Variants in ACBD6 observed in about 807,000 individuals in gnomAD.
The protein encoded by ACBD6 is acyl-CoA binding domain containing 6, also known as acyl-CoA-binding domain-containing protein 6.
ACBD6 carries 28 observed loss-of-function variants against 37.2 expected under a neutral mutation model. The observed-to-expected ratio is 0.75, with a 90% CI of 0.56 to 1.03. The LOEUF (loss-of-function observed/expected upper bound fraction) is 1.03. ACBD6 is among the 50% of genes least tolerant of loss of function. The pLI is 0.00. For synonymous variants in ACBD6, 113 were observed against 126.8 expected (o/e 0.89, Z 0.73); for missense variants, 340 against 337.4 (o/e 1.01, Z -0.06).
intron 5 of ACBD6, among the ~76,000 whole-genome samples, chr1:180,401,463 C>T (rs897367840): frequency 6.6e-6 from 1 of 151,712 alleles, no homozygotes; most frequent in Non-Finnish European, 1.5e-5. Flanking sequence ...AGACTTTTCT[C>T]CTCAATATCA....
intron 4 of ACBD6, among the ~76,000 whole-genome samples, chr1:180,418,960 T>G (rs1648226904): frequency 6.6e-6 from 1 of 152,192 alleles, no homozygotes; most frequent in South Asian, 2.1e-4. Flanking sequence ...GTTCTTAAAA[T>G]CATTCTTGAG....
chr1:180,435,893 G>T (rs544241617), intron 3 of ACBD6: 12 of 1,386,374 alleles, frequency 8.7e-6, no homozygotes, highest in Non-Finnish European at 1.2e-5. Flanking sequence ...TGGCAAGAAC[G>T]TCAATGGTGG....
At chr1:180,323,476 T>C (rs907569922) in intron 6 of ACBD6, among the ~76,000 whole-genome samples, 1 of 152,126 alleles carries the variant, frequency 6.6e-6, no homozygotes, top group Non-Finnish European at 1.5e-5. Context: ...CTGAAAGATC[T>C]GTCCAATGCT....
At chr1:180,321,544 G>C (rs1479710712) in intron 6 of ACBD6, among the ~76,000 whole-genome samples, 1 of 152,048 alleles carries the variant, frequency 6.6e-6, no homozygotes, top group Non-Finnish European at 1.5e-5. Flanking sequence ...TGTGGCTACT[G>C]TAAATGGAAT....
chr1:180,420,821 T>C lies in ACBD6; in HGVS notation c.468-7350A>G, dbSNP rs148072399. ...GGGTTAACAGTTTTATAGGTAAGTA[T>C]AGTGTTGATCATAAACCCGCCTGAA... On this transcript the variant is annotated intron_variant, in intron 4 of 7. Coordinates refer to ENST00000367595, the MANE Select transcript of ACBD6 (RefSeq NM_032360.4). Among the ~76,000 whole-genome samples the C allele has an allele frequency of 3.2e-4, 49 of 152,272 alleles. No homozygotes were observed. The East Asian group carries it at 6.8e-3, about 21-fold the overall frequency.
At chr1:180,300,608 T>G (rs1571333139) in intron 7 of ACBD6, among the ~76,000 whole-genome samples, 1 of 152,204 alleles carries the variant, frequency 6.6e-6, no homozygotes, top group Non-Finnish European at 1.5e-5. Context: ...TATTTAGTAT[T>G]TGATTATCTT....
chr1:180,317,961 G>C (rs1650879556), intron 6 of ACBD6, among the ~76,000 whole-genome samples: 1 of 152,142 alleles, frequency 6.6e-6, no homozygotes, highest in South Asian at 2.1e-4. Context: ...CGGATTGCCT[G>C]AGCTCAGCAG....
intron 3 of ACBD6, among the ~76,000 whole-genome samples, chr1:180,475,787 T>C (rs1446510486): frequency 2.0e-5 from 3 of 152,198 alleles, no homozygotes; most frequent in Admixed American, 6.5e-5. Flanking sequence ...TTTGGGGTTA[T>C]TATAAATAAA....
At chr1:180,389,243 C>T (rs564531277) in intron 6 of ACBD6, among the ~76,000 whole-genome samples, 2 of 152,304 alleles carry the variant, frequency 1.3e-5, no homozygotes, top group South Asian at 4.1e-4. Context: ...TGAGTGAGAA[C>T]ATGCGGAGTT....
chr1:180,294,452 C>T (rs1241068674), intron 7 of ACBD6, among the ~76,000 whole-genome samples: 1 of 151,838 alleles, frequency 6.6e-6, no homozygotes, highest in African/African-American at 2.4e-5. Flanking sequence ...GCAGGAGAAT[C>T]GCTTGAACCT....
chr1:180,481,423 ATACT>A (rs1651039838), intron 3 of ACBD6, among the ~76,000 whole-genome samples: 1 of 152,222 alleles, frequency 6.6e-6, no homozygotes, highest in East Asian at 1.9e-4. Context: ...GGGCAAAAAA[ATACT>A]TAATCATGCA....
intron 6 of ACBD6, among the ~76,000 whole-genome samples, chr1:180,388,512 A>C (rs1476524796): frequency 6.6e-6 from 1 of 152,254 alleles, no homozygotes; most frequent in Non-Finnish European, 1.5e-5. Context: ...TCTTGTATAT[A>C]AAAATTATAA....
At chr1:180,468,756 G>T (rs1011072662) in intron 3 of ACBD6, among the ~76,000 whole-genome samples, 1 of 152,084 alleles carries the variant, frequency 6.6e-6, no homozygotes, top group African/African-American at 2.4e-5. Context: ...CTATCAGTTA[G>T]CTTAACACCA....
At chr1:180,287,698 A>G (rs1279526549), downstream of ACBD6, among the ~76,000 whole-genome samples, 1 of 151,622 alleles carries the variant, frequency 6.6e-6, no homozygotes, top group Admixed American at 6.6e-5. Flanking sequence ...GAGTTTAAGG[A>G]ATCTGACCTA....
At chr1:180,475,838 C>T (rs969852119) in intron 3 of ACBD6, among the ~76,000 whole-genome samples, 1 of 152,086 alleles carries the variant, frequency 6.6e-6, no homozygotes, top group African/African-American at 2.4e-5. Flanking sequence ...AGTAAAATGA[C>T]CTAGTGTTTA....
chr1:180,334,348 G>C (rs562407222), intron 6 of ACBD6, among the ~76,000 whole-genome samples: 1 of 152,142 alleles, frequency 6.6e-6, no homozygotes, highest in Non-Finnish European at 1.5e-5. Flanking sequence ...AGCAACATTT[G>C]CTGTTCACCA....
intron 6 of ACBD6, among the ~76,000 whole-genome samples, chr1:180,370,135 G>A (rs1653202058): frequency 1.3e-5 from 2 of 152,148 alleles, no homozygotes; most frequent in Non-Finnish European, 2.9e-5. Context: ...GGACCCTGGA[G>A]TCTAATAGAT....
At chr1:180,446,539 A>T (rs1159673148) in intron 3 of ACBD6, among the ~76,000 whole-genome samples, 1 of 152,220 alleles carries the variant, frequency 6.6e-6, no homozygotes, top group African/African-American at 2.4e-5. Context: ...TAGAAAAGTA[A>T]GAATATTGGT....
intron 6 of ACBD6, among the ~76,000 whole-genome samples, chr1:180,334,930 A>C (rs1188244325): frequency 1.3e-5 from 2 of 152,222 alleles, no homozygotes; most frequent in African/African-American, 2.4e-5. Flanking sequence ...GATCAAATGA[A>C]TGAAATGAAG....
Sources: gnomAD v4.1 joint callset for allele counts (sites outside exome capture counted in the v4.1 genomes callset) on GRCh38, gnomAD v4.1.1 for gene constraint, MANE v1.5 for transcripts, NCBI Gene and HGNC (gene_info 2026-07-23, HGNC 2026-07-21) for gene names.